MAGI2: variants seen among roughly 807,000 people sequenced by gnomAD.
MAGI2 encodes the protein membrane associated guanylate kinase, WW and PDZ domain containing 2.
A neutral mutation model predicts 133.3 loss-of-function variants in MAGI2; 35 were observed. The observed-to-expected ratio is 0.26, with a 90% CI of 0.20 to 0.35. The LOEUF (loss-of-function observed/expected upper bound fraction) is 0.35, where lower values mean the gene tolerates loss of function less well. Among genes scored for constraint, MAGI2 ranks in the 10% least tolerant of loss-of-function variants. The pLI, the probability that MAGI2 is intolerant of heterozygous loss-of-function variation, is 1.00. For missense variants in MAGI2, 1,636 were observed against 1,863.4 expected (o/e 0.88, Z 2.25); for synonymous variants, 729 against 710.6 (o/e 1.03, Z -0.41).
In MAGI2 at chr7:79,105,731, T is replaced by A. The variant is rs1378656017; in HGVS notation, c.302-98525A>T. ...AACAAACCCGACTAACCATTTTTTT[T>A]AGACTATCTAGGACTGGTTTTCTCC... On this transcript the variant is annotated intron_variant, in intron 1 of 21. Transcript: ENST00000354212. Among the ~76,000 whole-genome samples the A allele has an allele frequency of 2.6e-5, 4 of 152,166 alleles. No individual in the cohort carries two copies. In the East Asian group the frequency reaches 5.8e-4, roughly 22 times the overall value.
chr7:78,402,378 G>A (rs1424112111), intron 6 of MAGI2, among the ~76,000 whole-genome samples: 3 of 149,178 alleles, frequency 2.0e-5, no homozygotes, highest in African/African-American at 7.4e-5. Flanking sequence ...TCCACCTGGG[G>A]TGTGTGTGTG....
intron 10 of MAGI2, among the ~76,000 whole-genome samples, chr7:78,226,723 C>G (rs982085518): frequency 6.6e-6 from 1 of 152,184 alleles, no homozygotes; most frequent in African/African-American, 2.4e-5. Context: ...TTAAAATGCA[C>G]TGTGCGTGTG....
chr7:78,211,555 T>C (rs921460950), intron 10 of MAGI2, among the ~76,000 whole-genome samples: 4 of 152,204 alleles, frequency 2.6e-5, no homozygotes, highest in African/African-American at 9.7e-5. Flanking sequence ...ATGACTGTGA[T>C]TGAGTCCCCT....
intron 3 of MAGI2, among the ~76,000 whole-genome samples, chr7:78,582,587 A>G (rs1802950025): frequency 6.6e-6 from 1 of 152,254 alleles, no homozygotes; most frequent in South Asian, 2.1e-4. Flanking sequence ...AAGAGGCAAT[A>G]TGAAGGAATC....
chr7:78,927,095 TACA>T (rs1482911650), intron 2 of MAGI2, among the ~76,000 whole-genome samples: 1 of 152,028 alleles, frequency 6.6e-6, no homozygotes, highest in African/African-American at 2.4e-5. Flanking sequence ...TATGTATATC[TACA>T]ACAATACTTT....
Position 78,765,341 on chromosome 7 carries a change from A to AT in MAGI2, c.419-138103dup, listed in dbSNP as rs1443309496. Among the ~76,000 whole-genome samples, 11 of 43,768 alleles carry AT rather than the reference A, an allele frequency of 2.5e-4. No homozygotes were observed. In the East Asian group the frequency reaches 7.3e-3, roughly 29 times the overall value. 28.7% of individuals were successfully genotyped at this position (43,768 alleles called of 152,430 possible). ...GTCATTTAACAAATGTTTAGTGCAC[A>AT]TCTTTTTTTTTTTTTTTTTTTTTTG... On this transcript the variant is annotated intron_variant, in intron 2 of 21. Transcript: ENST00000354212.
chr7:78,360,240 T>C (rs1038067520), intron 7 of MAGI2, among the ~76,000 whole-genome samples: 4 of 152,214 alleles, frequency 2.6e-5, no homozygotes, highest in African/African-American at 9.6e-5. Context: ...CAGTTATGTA[T>C]CTATTAAAGA....
chr7:78,837,387 G>A (rs901283332), intron 2 of MAGI2, among the ~76,000 whole-genome samples: 1 of 152,030 alleles, frequency 6.6e-6, no homozygotes, highest in African/African-American at 2.4e-5. Context: ...GTGTTGACAT[G>A]CTCTTTATAA....
intron 6 of MAGI2, among the ~76,000 whole-genome samples, chr7:78,413,493 A>G (rs1335919803): frequency 6.6e-6 from 1 of 152,050 alleles, no homozygotes; most frequent in African/African-American, 2.4e-5. Context: ...CTCTGCATAT[A>G]TTAACATTAA....
At chr7:79,197,380 AT>A (rs968148624) in intron 1 of MAGI2, among the ~76,000 whole-genome samples, 2 of 152,104 alleles carry the variant, frequency 1.3e-5, no homozygotes, top group Non-Finnish European at 2.9e-5. Flanking sequence ...GTAATTTCTC[AT>A]AAAAAGACAG....
chr7:79,265,525 T>A (rs1466673094), intron 1 of MAGI2, among the ~76,000 whole-genome samples: 1 of 152,214 alleles, frequency 6.6e-6, no homozygotes, highest in Admixed American at 6.6e-5. Context: ...CATATTTATA[T>A]ACACATACAC....
At chr7:78,227,792 C>T (rs1024053725) in intron 10 of MAGI2, among the ~76,000 whole-genome samples, 3 of 151,666 alleles carry the variant, frequency 2.0e-5, no homozygotes, top group Admixed American at 1.3e-4. Flanking sequence ...TCACTCTTGT[C>T]TTCTCTGTCA....
At chr7:78,874,340 G>A (rs1187701998) in intron 2 of MAGI2, among the ~76,000 whole-genome samples, 1 of 152,056 alleles carries the variant, frequency 6.6e-6, no homozygotes, top group African/African-American at 2.4e-5. Flanking sequence ...AGAAATCCCA[G>A]CAGTATACAC....
intron 21 of MAGI2, among the ~76,000 whole-genome samples, chr7:78,053,023 T>C (rs1480199271): frequency 2.6e-5 from 4 of 152,154 alleles, no homozygotes; most frequent in Non-Finnish European, 5.9e-5. Context: ...AGTCGAAATA[T>C]TGTCAAATAA....
At chr7:78,864,059 T>C (rs565780134) in intron 2 of MAGI2, among the ~76,000 whole-genome samples, 2 of 152,350 alleles carry the variant, frequency 1.3e-5, no homozygotes, top group South Asian at 4.1e-4. Flanking sequence ...AAACATTCAA[T>C]CTTCATAATT....
intron 10 of MAGI2, among the ~76,000 whole-genome samples, chr7:78,217,238 C>T (rs1258468951): frequency 1.3e-5 from 2 of 152,144 alleles, no homozygotes; most frequent in Non-Finnish European, 2.9e-5. Flanking sequence ...ACATTAACCT[C>T]CCTGGGCCAA....
At chr7:78,785,401 T>G (rs1826733644) in intron 2 of MAGI2, among the ~76,000 whole-genome samples, 2 of 152,240 alleles carry the variant, frequency 1.3e-5, no homozygotes, top group African/African-American at 2.4e-5. Context: ...AGTATTCTAT[T>G]TTAATTTTTA....
At chr7:78,578,022 G>C (rs1802443420) in intron 3 of MAGI2, among the ~76,000 whole-genome samples, 1 of 145,598 alleles carries the variant, frequency 6.9e-6, no homozygotes, top group Admixed American at 6.8e-5. Context: ...AGTTATCACT[G>C]TGAAAAAGAC....
chr7:78,290,910 C>A (rs372390832), intron 9 of MAGI2, among the ~76,000 whole-genome samples: 1 of 152,078 alleles, frequency 6.6e-6, no homozygotes, highest in Non-Finnish European at 1.5e-5. Flanking sequence ...CACAACATAC[C>A]AGAATCTCTG....
Sources: allele counts gnomAD v4.1 joint callset (sites outside exome capture counted in the v4.1 genomes callset), GRCh38; gene constraint gnomAD v4.1.1; transcripts MANE v1.5; gene names NCBI Gene and HGNC (gene_info 2026-07-23, HGNC 2026-07-21).